Variants in RGS19 observed in about 807,000 individuals in gnomAD.
RGS19 encodes regulator of G protein signaling 19.
Under a neutral mutation model 22.0 loss-of-function variants are expected in RGS19, and 9 were observed. That is an observed-to-expected ratio of 0.41 (90% CI 0.25 to 0.71). The LOEUF (loss-of-function observed/expected upper bound fraction) is 0.71, where lower values mean the gene tolerates loss of function less well. Among genes scored for constraint, RGS19 ranks in the 30% least tolerant of loss-of-function variants. The pLI, the probability that RGS19 is intolerant of heterozygous loss-of-function variation, is 0.32. For missense variants in RGS19, 256 were observed against 307.1 expected (o/e 0.83, Z 1.24); for synonymous variants, 130 against 127.3 (o/e 1.02, Z -0.14).
chr20:64,076,755 G>A, intron 2 of RGS19, 102 bp downstream of exon 2: 6 of 1,522,240 alleles, frequency 3.9e-6, no homozygotes, highest in Non-Finnish European at 5.4e-6. Context: ...TGACCCTTCT[G>A]GCCTCCCGGG....
At position 64,075,857 on chromosome 20, in the gene RGS19, G is replaced by T. The variant is rs2059900926; in HGVS notation, c.152+668C>A. On this transcript the variant is annotated intron_variant, in intron 3 of 5. Transcript: ENST00000395042. The surrounding 1 kb of genome is among the most constrained non-coding windows in gnomAD (Gnocchi z 4.6). ...CCCTCCACCCCACACACTGTATGGG[G>T]TCTGTGCCTGTCTTTCTTTCTTTCT... Among the ~76,000 whole-genome samples the T allele has an allele frequency of 6.6e-6, 1 of 150,974 alleles. No individual in the cohort carries two copies. The highest frequency in any genetic ancestry group is 1.5e-5 in the Non-Finnish European group (1 of 67,788).
intron 1 of RGS19, 66 bp from the exon 2 acceptor site, chr20:64,077,020 G>T: frequency 1.2e-6 from 1 of 853,072 alleles, no homozygotes; most frequent in Non-Finnish European, 1.7e-6. Flanking sequence ...CCCCTTAGGA[G>T]GGGTCCTGAG....
chr20:64,076,354 G>A (rs895948164), intron 3 of RGS19, among the ~76,000 whole-genome samples, 171 bp downstream of exon 3: 1 of 152,228 alleles, frequency 6.6e-6, no homozygotes, highest in African/African-American at 2.4e-5. Flanking sequence ...CCAAGGCACC[G>A]GCCACTCATC....
In RGS19 at chr20:64,073,478, G is replaced by A. The variant is rs1418641545; in HGVS notation, c.*375C>T. The A allele has an allele frequency of 5.0e-6, 1 of 198,404 alleles. No homozygotes were observed. Among genetic ancestry groups the A allele is most frequent in the African/African-American group, 2.3e-5 (1 of 42,900 alleles). 12.3% of individuals were successfully genotyped at this position (198,404 alleles called of 1,614,324 possible). On this transcript the variant is annotated 3_prime_UTR_variant, in exon 6 of 6. Transcript: ENST00000395042. ...AGGTTCTGTTCCCCACCAAAGGCTT[G>A]TCTGGGGCCCATTGGCTGCCTGGGG... is the stretch of plus-strand genomic sequence containing the variant.
rs1374537836 is a variant in RGS19, at chr20:64,073,702, A to G, written c.*151T>C. The G allele has an allele frequency of 3.0e-6, 2 of 666,332 alleles. No individual in the cohort carries two copies. The highest frequency in any genetic ancestry group is 1.8e-5 in the African/African-American group (1 of 54,882). 41.3% of individuals were successfully genotyped at this position (666,332 alleles called of 1,614,324 possible). A position where few individuals can be genotyped will look rare whatever the true frequency, so the allele number is the denominator to read the frequency against. ...CCACGGGTGGGCAGACCCAGGAGAC[A>G]CAGCACTCCCCACTGGGTCTAGGAC... On this transcript the variant is annotated 3_prime_UTR_variant, in exon 6 of 6. Coordinates refer to ENST00000395042, the MANE Select transcript of RGS19 (RefSeq NM_005873.3).
In RGS19 at chr20:64,075,458, C is replaced by T. The variant is rs926913394; in HGVS notation, c.153-917G>A. Among the ~76,000 whole-genome samples, 1 of 152,226 alleles carries T rather than the reference C, an allele frequency of 6.6e-6. No individual in the cohort carries two copies. The highest frequency in any genetic ancestry group is 1.5e-5 in the Non-Finnish European group (1 of 68,036). ...ACTTGGATGGCTGGCAGACATCGTG[C>T]ACCCAAACGTCCTGACAGAACTAGG... On this transcript the variant is annotated intron_variant, in intron 3 of 5. Coordinates refer to ENST00000395042, the MANE Select transcript of RGS19 (RefSeq NM_005873.3). The surrounding 1 kb of genome is among the most constrained non-coding windows in gnomAD (Gnocchi z 4.6).
intron 1 of RGS19, 45 bp from the exon 2 acceptor site, chr20:64,076,999 G>T: frequency 9.6e-7 from 1 of 1,045,132 alleles, no homozygotes; most frequent in East Asian, 3.0e-5. Context: ...TGAAACCCCA[G>T]CCCCTGCCTA....
Position 64,076,968 on chromosome 20 carries a change from C to A in RGS19, c.-68-14G>T. 3.8e-6 allele frequency: 5 copies of A among 1,315,748 alleles called. No homozygotes were observed. In the South Asian group the frequency reaches 6.5e-5, roughly 17 times the overall value. The allele number at this position is 1,315,748 out of a possible 1,614,324, so 81.5% of individuals were successfully genotyped here. A position where few individuals can be genotyped will look rare whatever the true frequency, so the allele number is the denominator to read the frequency against. On this transcript the variant is annotated splice_polypyrimidine_tract_variant and intron_variant, in intron 1 of 5. Transcript: ENST00000395042. ...CAGCCTGGGGGTCTGGGGAGAGGGG[C>A]CAAGGTTCTGACTGAGAACCTGAAA...
Position 64,074,196 on chromosome 20 carries a change from T to C in RGS19, c.410A>G (p.Glu137Gly), listed in dbSNP as rs1372770640. ...KAEANQHVVD[E>G]KARLIYEDYV... ...GTCCTCGTAGATGAGCCTCGCCTTC[T>C]CGTCTACCACATGCTGGTTGGCCTC... Residue 137 changes from glutamate to glycine, a missense_variant, in exon 5 of 6, where the codon GAG (glutamate) becomes GGG (glycine). Glu to Gly is a moderately conservative substitution (Grantham distance 98). Transcript: ENST00000395042. 1 of 1,613,960 alleles carries C rather than the reference T, an allele frequency of 6.2e-7. No homozygotes were observed. The highest frequency in any genetic ancestry group is 2.2e-5 in the East Asian group (1 of 44,896).
In RGS19 at chr20:64,074,301, C is replaced by T. The variant is rs761434660; in HGVS notation, c.305G>A (p.Ser102Asn). 10 of 1,613,002 alleles carry T rather than the reference C, an allele frequency of 6.2e-6. No individual in the cohort carries two copies. The highest frequency in any genetic ancestry group is 5.0e-5 in the Admixed American group (3 of 60,016). ...TGTCCGCAGGAACGCCCGGAACACG[C>T]TGCGTCCCGCTGGGCTGTGCATCAG... Reference protein sequence around the residue: ...DKLMHSPAGRSVFRAFLRTEY... With the variant: ...DKLMHSPAGRNVFRAFLRTEY... The change falls in exon 5 of 6, where the codon AGC becomes AAC. Residue 102 changes from serine to asparagine, a missense_variant. Coordinates refer to ENST00000395042, the MANE Select transcript of RGS19 (RefSeq NM_005873.3).
chr20:64,077,545 C>T (rs543031071), intron 1 of RGS19, among the ~76,000 whole-genome samples: 7 of 152,294 alleles, frequency 4.6e-5, no homozygotes, highest in African/African-American at 1.7e-4. Context: ...GAGGGACATG[C>T]CCCCCAAACA....
chr20:64,076,947 C>G lies in RGS19; in HGVS notation c.-61G>C, dbSNP rs1290495596. On this transcript the variant is annotated 5_prime_UTR_variant, in exon 2 of 6. Coordinates refer to ENST00000395042, the MANE Select transcript of RGS19 (RefSeq NM_005873.3). ...CCAGCTCTCAGACCCTCACCACAGC[C>G]TGGGGGTCTGGGGAGAGGGGCCAAG... The G allele has an allele frequency of 1.4e-6, 2 of 1,406,450 alleles. No individual in the cohort carries two copies. The highest frequency in any genetic ancestry group is 9.4e-7 in the Non-Finnish European group (1 of 1,063,942). 87.1% of individuals were successfully genotyped at this position (1,406,450 alleles called of 1,614,324 possible).
At position 64,075,878 on chromosome 20, in the gene RGS19, T is replaced by C. The variant is rs2059901110; in HGVS notation, c.152+647A>G. Among the ~76,000 whole-genome samples, 2 of 141,676 alleles carry C rather than the reference T, an allele frequency of 1.4e-5. No homozygotes were observed. Among genetic ancestry groups the C allele is most frequent in the African/African-American group, 5.0e-5 (2 of 40,230 alleles). The allele number at this position is 141,676 out of a possible 152,430, so 92.9% of individuals were successfully genotyped here. On this transcript the variant is annotated intron_variant, in intron 3 of 5. Transcript: ENST00000395042. The surrounding 1 kb of genome is among the most constrained non-coding windows in gnomAD (Gnocchi z 4.6). The stretch of plus-strand genomic sequence containing the variant: ...TGGGGTCTGTGCCTGTCTTTCTTTC[T>C]TTCTTTCTTTTTTTTTTTTTGAGAC...
intron 1 of RGS19, among the ~76,000 whole-genome samples, chr20:64,077,660 C>T (rs559542123): frequency 3.3e-5 from 5 of 152,272 alleles, no homozygotes; most frequent in South Asian, 2.1e-4. Context: ...CCACAGGGTG[C>T]GCCAGCCAGG....
In RGS19 at chr20:64,073,951, T is replaced by C. The variant is rs1465914092; in HGVS notation, c.556A>G (p.Thr186Ala). The change falls in exon 6 of 6, where the codon ACG (threonine) becomes GCG (alanine). Residue 186 changes from threonine to alanine, a missense_variant. Transcript: ENST00000395042. ...TFDDAQLQIY[T>A]LMHRDSYPRF... is the part of the protein sequence containing the mutation. ...GGGTAGGAGTCCCGGTGCATGAGCG[T>C]GTAGATCTGCAGCTGCGCGTCGTCG... The C allele has an allele frequency of 2.5e-6, 4 of 1,613,708 alleles. No homozygotes were observed. Among genetic ancestry groups the C allele is most frequent in the Non-Finnish European group, 3.4e-6 (4 of 1,179,904 alleles).
In RGS19 at chr20:64,073,743, G is replaced by A. The variant is rs1302344961; in HGVS notation, c.*110C>T. 2 of 991,882 alleles carry A rather than the reference G, an allele frequency of 2.0e-6. No homozygotes were observed. The highest frequency in any genetic ancestry group is 2.9e-6 in the Non-Finnish European group (2 of 681,594). 61.4% of individuals were successfully genotyped at this position (991,882 alleles called of 1,614,324 possible). On this transcript the variant is annotated 3_prime_UTR_variant, in exon 6 of 6. Transcript: ENST00000395042. Reference sequence around the variant, plus strand: ...GGTCTAGGACCGTCTCCGCGGGTGGGGACCCCAGCCGGCCAGGCATGTGCC... The same window carrying A: ...GGTCTAGGACCGTCTCCGCGGGTGGAGACCCCAGCCGGCCAGGCATGTGCC...
intron 1 of RGS19, among the ~76,000 whole-genome samples, chr20:64,078,855 T>C (rs2059932542): frequency 6.6e-6 from 1 of 152,152 alleles, no homozygotes; most frequent in Admixed American, 6.5e-5. Context: ...TGGGATGGGA[T>C]AGGCTGGATA....
intron 3 of RGS19, among the ~76,000 whole-genome samples, chr20:64,076,021 A>T (rs904209325): frequency 1.3e-5 from 2 of 152,130 alleles, no homozygotes. Context: ...AGCTGGGATT[A>T]CAGGCATGCG....
chr20:64,073,959 T>A lies in RGS19; in HGVS notation c.548A>T (p.Gln183Leu). The A allele has an allele frequency of 2.5e-6, 4 of 1,612,434 alleles. No homozygotes were observed. Among genetic ancestry groups the A allele is most frequent in the Non-Finnish European group, 3.4e-6 (4 of 1,179,374 alleles). ...GTCCCGGTGCATGAGCGTGTAGATC[T>A]GCAGCTGCGCGTCGTCGAACGTGTG... Reference protein sequence around the residue: ...SAHTFDDAQLQIYTLMHRDSY... With the variant: ...SAHTFDDAQLLIYTLMHRDSY... The change falls in exon 6 of 6, where the codon CAG (glutamine) becomes CTG (leucine). Residue 183 changes from glutamine to leucine, a missense_variant. Coordinates refer to ENST00000395042, the MANE Select transcript of RGS19 (RefSeq NM_005873.3).
Sources: allele counts gnomAD v4.1 joint callset (sites outside exome capture counted in the v4.1 genomes callset), GRCh38; gene constraint gnomAD v4.1.1; non-coding constraint Gnocchi (gnomAD v3.1); transcripts MANE v1.5; gene names NCBI Gene and HGNC (gene_info 2026-07-23, HGNC 2026-07-21).